Variants in NAA25 observed in about 807,000 individuals in gnomAD.
NAA25 encodes the protein N-alpha-acetyltransferase 25, NatB auxiliary subunit.
A neutral mutation model predicts 132.5 loss-of-function variants in NAA25; 30 were observed. The observed-to-expected ratio is 0.23, with a 90% confidence interval of 0.17 to 0.31. NAA25 has a LOEUF of 0.31. NAA25 is among the 10% of genes least tolerant of loss of function. The pLI, the probability that NAA25 is intolerant of heterozygous loss-of-function variation, is 1.00. For synonymous variants in NAA25, 359 were observed against 401.9 expected, an observed-to-expected ratio of 0.89 and a Z score of 1.28; for missense variants, 771 against 1,150.4, an observed-to-expected ratio of 0.67 and a Z score of 4.77.
chr12:112,077,254 C>T (rs1024399164), intron 7 of NAA25, among the ~76,000 whole-genome samples: 4 of 152,142 alleles, frequency 2.6e-5, no homozygotes, highest in African/African-American at 9.6e-5. Context: ...AGGCAGATCA[C>T]TTGAGGTTAG....
chr12:112,079,404 G>C (rs2136904504), intron 5 of NAA25, among the ~76,000 whole-genome samples: 1 of 152,114 alleles, frequency 6.6e-6, no homozygotes, highest in Non-Finnish European at 1.5e-5. Flanking sequence ...GGCCAACATG[G>C]CAAAACCCCC....
intron 11 of NAA25, among the ~76,000 whole-genome samples, chr12:112,066,384 C>T (rs1046077344): frequency 6.6e-6 from 1 of 152,224 alleles, no homozygotes; most frequent in Non-Finnish European, 1.5e-5. Flanking sequence ...CATTCTACTT[C>T]AATCCCTCCA....
chr12:112,071,323 GTTT>G (rs1036809993), intron 10 of NAA25, among the ~76,000 whole-genome samples: 12 of 151,834 alleles, frequency 7.9e-5, no homozygotes, highest in African/African-American at 2.9e-4. Context: ...ACCCAGCCAG[GTTT>G]TTTTATTTTT....
intron 9 of NAA25, among the ~76,000 whole-genome samples, chr12:112,072,590 C>G (rs1210913830): frequency 2.2e-5 from 3 of 135,334 alleles, no homozygotes; most frequent in Admixed American, 8.3e-5. Flanking sequence ...GCCTAGGTGA[C>G]AGAGAGAGAT....
intron 16 of NAA25, 145 bp downstream of exon 16, chr12:112,048,147 G>T: frequency 1.3e-6 from 1 of 747,892 alleles, no homozygotes. Flanking sequence ...CATGACATGT[G>T]CCAAGTTCTG....
At chr12:112,078,454 G>A (rs2078924174) in intron 6 of NAA25, among the ~76,000 whole-genome samples, 180 bp downstream of exon 6, 1 of 152,346 alleles carries the variant, frequency 6.6e-6, no homozygotes, top group Non-Finnish European at 1.5e-5. Flanking sequence ...TCAGCCTAGA[G>A]TACTTGCTGG....
chr12:112,045,754 G>A (rs938933377), intron 17 of NAA25, among the ~76,000 whole-genome samples: 5 of 151,890 alleles, frequency 3.3e-5, no homozygotes, highest in Non-Finnish European at 5.9e-5. Context: ...GAGATCATGC[G>A]ACTGCACTCT....
At chr12:112,078,294 C>A (rs2078921956) in intron 6 of NAA25, 28 bp from the exon 7 acceptor site, 1 of 1,472,612 alleles carries the variant, frequency 6.8e-7, no homozygotes, top group Non-Finnish European at 9.3e-7. Context: ...AGAAGTGCAA[C>A]CTCTGAAACT....
intron 15 of NAA25, among the ~76,000 whole-genome samples, chr12:112,052,798 A>G (rs1487127563): frequency 6.6e-6 from 1 of 152,252 alleles, no homozygotes; most frequent in African/African-American, 2.4e-5. Flanking sequence ...ATGGGCAGAT[A>G]GCTGGCACAG....
chr12:112,091,843 T>C (rs145615062), intron 2 of NAA25, among the ~76,000 whole-genome samples: 150 of 152,278 alleles, frequency 9.9e-4, no homozygotes, highest in African/African-American at 3.4e-3. Context: ...GGCTGGGTGA[T>C]AGAGACCTTG....
chr12:112,090,395 G>A (rs1357028279), intron 3 of NAA25: 2 of 188,164 alleles, frequency 1.1e-5, no homozygotes, highest in Admixed American at 1.2e-4. Flanking sequence ...ATTGCTGAAG[G>A]TGGATAATGA....
intron 6 of NAA25, 104 bp downstream of exon 6, chr12:112,078,530 C>A (rs2078925139): frequency 1.7e-5 from 18 of 1,059,184 alleles, no homozygotes; most frequent in Non-Finnish European, 2.5e-5. Flanking sequence ...AAGTGAGGAC[C>A]CAGCTATCAA....
At chr12:112,077,202 G>A (rs1191261793) in intron 7 of NAA25, among the ~76,000 whole-genome samples, 1 of 151,802 alleles carries the variant, frequency 6.6e-6, no homozygotes, top group Non-Finnish European at 1.5e-5. Flanking sequence ...GCCAGGCGTG[G>A]TGGCTCACAC....
At chr12:112,090,989 T>C (rs1362752924) in intron 2 of NAA25, 125 bp from the exon 3 acceptor site, 2 of 897,378 alleles carry the variant, frequency 2.2e-6, no homozygotes, top group East Asian at 2.7e-5. Flanking sequence ...AGTTTCAGGC[T>C]GGGTGCGGCG....
intron 5 of NAA25, 98 bp downstream of exon 5, chr12:112,080,961 GT>G (rs1295995345): frequency 9.9e-7 from 1 of 1,007,124 alleles, no homozygotes; most frequent in East Asian, 2.4e-5. Flanking sequence ...GCGTGACCCT[GT>G]CTCAAACAAA....
intron 4 of NAA25, among the ~76,000 whole-genome samples, chr12:112,085,706 A>G (rs1281502908): frequency 6.6e-6 from 1 of 152,040 alleles, no homozygotes; most frequent in Non-Finnish European, 1.5e-5. Context: ...ATATGTTAGC[A>G]TTGCCAATTT....
At chr12:112,053,462 A>G in intron 15 of NAA25, 96 bp downstream of exon 15, 1 of 890,478 alleles carries the variant, frequency 1.1e-6, no homozygotes, top group East Asian at 2.7e-5. Flanking sequence ...AGCATGGTGC[A>G]CCTTAACATG....
intron 3 of NAA25, among the ~76,000 whole-genome samples, chr12:112,088,656 C>T (rs1238563220): frequency 6.8e-6 from 1 of 147,502 alleles, no homozygotes; most frequent in Non-Finnish European, 1.5e-5. Flanking sequence ...GAGTTTTGCT[C>T]GTTACCCAGG....
At chr12:112,046,088 G>C (rs1028390287) in intron 17 of NAA25, among the ~76,000 whole-genome samples, 1 of 152,198 alleles carries the variant, frequency 6.6e-6, no homozygotes, top group Non-Finnish European at 1.5e-5. Flanking sequence ...CACTCCAACT[G>C]TTCCCTAAAA....
Sources: gnomAD v4.1 joint callset for allele counts (sites outside exome capture counted in the v4.1 genomes callset) on GRCh38, gnomAD v4.1.1 for gene constraint, MANE v1.5 for transcripts, NCBI Gene and HGNC (gene_info 2026-07-23, HGNC 2026-07-21) for gene names.